Variants in RSPH14 observed in about 807,000 individuals in gnomAD.
RSPH14 encodes the protein radial spoke head 14 homolog.
Under a neutral mutation model 26.7 loss-of-function variants are expected in RSPH14, and 20 were observed. The observed-to-expected ratio is 0.75, with a 90% confidence interval of 0.53 to 1.09. The LOEUF is 1.09. Among genes scored for constraint, RSPH14 ranks in the 50% least tolerant of loss-of-function variants. The pLI, the probability that RSPH14 is intolerant of heterozygous loss-of-function variation, is 0.00. For missense variants in RSPH14, 449 were observed against 457.2 expected, an observed-to-expected ratio of 0.98 and a Z score of 0.16; for synonymous variants, 177 against 189.3, an observed-to-expected ratio of 0.93 and a Z score of 0.53.
At chr22:23,147,148 G>A (rs1220553694), upstream of RSPH14, among the ~76,000 whole-genome samples, 2 of 152,078 alleles carry the variant, frequency 1.3e-5, no homozygotes, top group African/African-American at 4.8e-5. Context: ...CAAATCCAGG[G>A]CTCTCTCCTC....
chr22:23,159,282 G>T, the RSPH14 span: 1 of 1,552,502 alleles, frequency 6.4e-7, no homozygotes. Context: ...TCACCATGGT[G>T]GGGCAGAGCC....
the RSPH14 span, among the ~76,000 whole-genome samples, chr22:23,174,090 C>G: frequency 1.3e-5 from 2 of 152,104 alleles, no homozygotes; most frequent in Non-Finnish European, 2.9e-5. Flanking sequence ...TGCATTGTCT[C>G]CAGCAGAGGG....
intron 4 of RSPH14, among the ~76,000 whole-genome samples, chr22:23,069,725 G>T (rs1180631674): frequency 6.6e-6 from 1 of 151,960 alleles, no homozygotes; most frequent in African/African-American, 2.4e-5. Flanking sequence ...GGGGGGCGGC[G>T]GCAGAGATGA....
intron 4 of RSPH14, among the ~76,000 whole-genome samples, chr22:23,111,480 A>C (rs551894743): frequency 1.3e-4 from 20 of 152,348 alleles, no homozygotes; most frequent in African/African-American, 3.8e-4. Flanking sequence ...ATGCCAAGGC[A>C]GTCTTCTCTG....
At chr22:23,072,061 G>A (rs1170903686) in intron 4 of RSPH14, among the ~76,000 whole-genome samples, 1 of 152,110 alleles carries the variant, frequency 6.6e-6, no homozygotes, top group Non-Finnish European at 1.5e-5. Context: ...GAGCTGGGGT[G>A]GGCCTGGAGA....
chr22:23,119,045 G>T (rs1311123398), intron 4 of RSPH14, among the ~76,000 whole-genome samples: 1 of 152,242 alleles, frequency 6.6e-6, no homozygotes, highest in Non-Finnish European at 1.5e-5. Flanking sequence ...CAGAAGGCAT[G>T]CTGGGGCTTC....
intron 4 of RSPH14, among the ~76,000 whole-genome samples, chr22:23,090,159 G>A (rs2068928383): frequency 6.6e-6 from 1 of 152,052 alleles, no homozygotes; most frequent in African/African-American, 2.4e-5. Context: ...AGCACAGCAG[G>A]GTCCTGTACC....
intron 3 of RSPH14, among the ~76,000 whole-genome samples, chr22:23,136,690 T>A (rs1417239069): frequency 1.4e-5 from 2 of 139,244 alleles, no homozygotes; most frequent in Admixed American, 1.5e-4. Context: ...CTGCAATTAC[T>A]TTTGCACTAA....
chr22:23,130,496 A>AAGAAGGAAAGAAAGAAAGAAAG (rs67156030), intron 4 of RSPH14, among the ~76,000 whole-genome samples: 4 of 110,692 alleles, frequency 3.6e-5, no homozygotes, highest in African/African-American at 1.1e-4. Flanking sequence ...GAAGGAAAGA[A>AAGAAGGAAAGAAAGAAAGAAAG]AAAGAAAGAA....
chr22:23,079,036 G>C (rs1196816098), intron 4 of RSPH14, among the ~76,000 whole-genome samples: 1 of 152,198 alleles, frequency 6.6e-6, no homozygotes, highest in Non-Finnish European at 1.5e-5. Context: ...TCACTACGAG[G>C]GCCTGGGATT....
chr22:23,173,622 G>A, the RSPH14 span, among the ~76,000 whole-genome samples: 4 of 112,322 alleles, frequency 3.6e-5, no homozygotes, highest in Admixed American at 3.9e-4. Flanking sequence ...TTTATTTTTG[G>A]TTTTTTGTTT....
intron 4 of RSPH14, among the ~76,000 whole-genome samples, chr22:23,078,335 A>G (rs745707291): frequency 4.6e-5 from 7 of 152,114 alleles, no homozygotes; most frequent in Non-Finnish European, 7.4e-5. Context: ...CCAGGCATTG[A>G]TTTCCTCTAT....
At chr22:23,142,649 A>C (rs1356234041), upstream of RSPH14, among the ~76,000 whole-genome samples, 4 of 152,132 alleles carry the variant, frequency 2.6e-5, no homozygotes, top group Non-Finnish European at 5.9e-5. Flanking sequence ...GTTTCCCCCA[A>C]ATTACATAGG....
intron 4 of RSPH14, among the ~76,000 whole-genome samples, chr22:23,099,890 G>A (rs537464762): frequency 1.8e-4 from 27 of 152,374 alleles, no homozygotes; most frequent in African/African-American, 6.3e-4. Flanking sequence ...GGGGGTAGGT[G>A]GGCACTTGTT....
At chr22:23,078,361 G>T (rs1470878098) in intron 4 of RSPH14, among the ~76,000 whole-genome samples, 2 of 152,150 alleles carry the variant, frequency 1.3e-5, no homozygotes, top group African/African-American at 4.8e-5. Context: ...CACCACGCAC[G>T]CAAGCACAGC....
At chr22:23,069,065 G>T (rs574752399) in intron 4 of RSPH14, among the ~76,000 whole-genome samples, 1 of 152,206 alleles carries the variant, frequency 6.6e-6, no homozygotes, top group Non-Finnish European at 1.5e-5. Flanking sequence ...CTGCAGGTAC[G>T]TAACGCAATG....
At chr22:23,074,228 G>A (rs979245648) in intron 4 of RSPH14, among the ~76,000 whole-genome samples, 2 of 152,188 alleles carry the variant, frequency 1.3e-5, no homozygotes, top group African/African-American at 4.8e-5. Flanking sequence ...CTGCTGAGGT[G>A]GGAAAATAGG....
chr22:23,072,498 C>T (rs562226185), intron 4 of RSPH14, among the ~76,000 whole-genome samples: 1 of 152,304 alleles, frequency 6.6e-6, no homozygotes, highest in Non-Finnish European at 1.5e-5. Flanking sequence ...CACTTTCCCC[C>T]CTAAGTCAGC....
At chr22:23,066,739 C>A (rs1194424591) in intron 4 of RSPH14, among the ~76,000 whole-genome samples, 1 of 152,002 alleles carries the variant, frequency 6.6e-6, no homozygotes, top group African/African-American at 2.4e-5. Context: ...GGGCGGCAGC[C>A]TGAGCGTCCG....
Sources: gnomAD v4.1 joint callset for allele counts (sites outside exome capture counted in the v4.1 genomes callset) on GRCh38, gnomAD v4.1.1 for gene constraint, MANE v1.5 for transcripts, NCBI Gene and HGNC (gene_info 2026-07-23, HGNC 2026-07-21) for gene names.